Variants in TBC1D32 observed in about 807,000 individuals in gnomAD.
TBC1D32 encodes protein broad-minded.
In TBC1D32, 151 loss-of-function variants were observed where a neutral mutation model predicts 170.3. That is an observed-to-expected ratio of 0.89 (90% CI 0.78 to 1.01). TBC1D32 has a LOEUF of 1.01. Among genes scored for constraint, TBC1D32 ranks in the 50% least tolerant of loss-of-function variants. The pLI, the probability that TBC1D32 is intolerant of heterozygous loss-of-function variation, is 0.00. For synonymous variants in TBC1D32, 498 were observed against 488.0 expected (o/e 1.02, Z -0.27); for missense variants, 1,464 against 1,457.1 (o/e 1.00, Z -0.08).
Position 121,255,219 on chromosome 6 carries a change from T to G in TBC1D32, c.2018+109A>C, listed in dbSNP as rs987701114. On this transcript the variant is annotated intron_variant, in intron 17 of 31. Coordinates refer to ENST00000398212, the MANE Select transcript of TBC1D32 (RefSeq NM_152730.6). ...TTTTCCTTGAAGCTGTATATATACA[T>G]TTACCATCCTGTAAAACATTTTTGC... 3.1e-5 allele frequency: 17 copies of G among 556,100 alleles called. No individual in the cohort carries two copies. In the African/African-American group the frequency reaches 3.4e-4, roughly 11 times the overall value. 34.4% of individuals were successfully genotyped at this position (556,100 alleles called of 1,614,324 possible). A position where few individuals can be genotyped will look rare whatever the true frequency, so the allele number is the denominator to read the frequency against.
chr6:121,082,536 A>G (rs1399312106), intron 31 of TBC1D32, among the ~76,000 whole-genome samples: 4 of 152,004 alleles, frequency 2.6e-5, no homozygotes, highest in East Asian at 1.9e-4. Context: ...TAAAGATCCA[A>G]TGGCAGAAGA....
At chr6:121,239,010 G>T (rs559514007) in intron 20 of TBC1D32, 60 bp downstream of exon 20, 92 of 909,840 alleles carry the variant, frequency 1.0e-4, no homozygotes, top group Non-Finnish European at 1.4e-4. Context: ...AAGTATGAAC[G>T]AATTCATTTC....
intron 22 of TBC1D32, among the ~76,000 whole-genome samples, chr6:121,176,955 C>A (rs990986946): frequency 5.3e-5 from 8 of 152,120 alleles, no homozygotes; most frequent in Non-Finnish European, 1.2e-4. Flanking sequence ...AGACCGAAAG[C>A]CTGCAGTTTT....
chr6:121,080,719 T>C lies in TBC1D32; in HGVS notation c.*52A>G. ...GACACAGAAAAACATCAAGCCCCCC[T>C]GCTGTGTTTAAAAATAAATAAAACC... On this transcript the variant is annotated 3_prime_UTR_variant, in exon 32 of 32. Transcript: ENST00000398212. 1 of 1,572,148 alleles carries C rather than the reference T, an allele frequency of 6.4e-7. No individual in the cohort carries two copies. Among genetic ancestry groups the C allele is most frequent in the Non-Finnish European group, 8.6e-7 (1 of 1,161,096 alleles).
intron 22 of TBC1D32, among the ~76,000 whole-genome samples, chr6:121,192,142 G>T (rs1224351556): frequency 6.6e-6 from 1 of 150,402 alleles, no homozygotes; most frequent in African/African-American, 2.4e-5. Context: ...TACCAGGAAT[G>T]GTTCTAAAGG....
intron 9 of TBC1D32, 106 bp downstream of exon 9, chr6:121,303,511 G>T: frequency 1.1e-6 from 1 of 949,822 alleles, no homozygotes; most frequent in Non-Finnish European, 1.4e-6. Flanking sequence ...GCTAACACAT[G>T]TAAAAGTGAT....
At position 121,317,592 on chromosome 6, in the gene TBC1D32, T is replaced by A; in HGVS notation, c.398A>T (p.Glu133Val). The A allele has an allele frequency of 6.2e-7, 1 of 1,612,932 alleles. No individual in the cohort carries two copies. Among genetic ancestry groups the A allele is most frequent in the South Asian group, 1.1e-5 (1 of 90,988 alleles). Reference sequence around the variant, plus strand: ...TTTCTGCCTTTCTTGATTTCGTGTCTCATCTTCTTCAAACTTGTTAATCAT... The same window carrying A: ...TTTCTGCCTTTCTTGATTTCGTGTCACATCTTCTTCAAACTTGTTAATCAT... ...ESMINKFEED[E>V]TRNQERQKKI... The change falls in exon 3 of 32, where the codon GAG becomes GTG. Residue 133 changes from glutamate (E) to valine (V), a missense_variant. Physicochemically the swap from Glu to Val is moderately radical, Grantham distance 121. This residue lies in a region of TBC1D32 where 1,363 missense variants were observed against 1,338.1 expected (regional missense o/e 1.02). Coordinates refer to ENST00000398212, the MANE Select transcript of TBC1D32 (RefSeq NM_152730.6).
intron 26 of TBC1D32, among the ~76,000 whole-genome samples, chr6:121,125,378 G>A (rs1780713470): frequency 6.6e-6 from 1 of 152,146 alleles, no homozygotes; most frequent in South Asian, 2.1e-4. Context: ...GAGTCCAGAT[G>A]ACTGTAAGCC....
intron 22 of TBC1D32, among the ~76,000 whole-genome samples, chr6:121,170,835 A>C (rs1786877902): frequency 6.6e-6 from 1 of 152,096 alleles, no homozygotes; most frequent in Non-Finnish European, 1.5e-5. Flanking sequence ...AGAGAATTTT[A>C]GCAAATCCAG....
chr6:121,223,579 A>G (rs146365264), intron 20 of TBC1D32, among the ~76,000 whole-genome samples: 10 of 152,318 alleles, frequency 6.6e-5, no homozygotes, highest in Non-Finnish European at 1.3e-4. Context: ...ACATACATAC[A>G]TGAAATTTGG....
chr6:121,141,002 A>C (rs1468531927), intron 24 of TBC1D32, among the ~76,000 whole-genome samples: 1 of 152,196 alleles, frequency 6.6e-6, no homozygotes, highest in African/African-American at 2.4e-5. Flanking sequence ...AATGGAAAAA[A>C]TACAGGAGAA....
chr6:121,191,884 C>T (rs1052643017), intron 22 of TBC1D32, among the ~76,000 whole-genome samples: 2 of 151,748 alleles, frequency 1.3e-5, no homozygotes, highest in African/African-American at 2.4e-5. Flanking sequence ...CGTGAAAAGG[C>T]GAGACTGGCC....
intron 8 of TBC1D32, 87 bp downstream of exon 8, chr6:121,304,278 G>A (rs1198023178): frequency 4.1e-6 from 5 of 1,220,690 alleles, no homozygotes; most frequent in Non-Finnish European, 5.8e-6. Flanking sequence ...AGTCCATTAA[G>A]ACTGTCTTTA....
chr6:121,085,052 C>T (rs554256113), intron 31 of TBC1D32, among the ~76,000 whole-genome samples: 1 of 151,364 alleles, frequency 6.6e-6, no homozygotes. Flanking sequence ...ACAAAAGGTA[C>T]AGAACTTAAC....
At chr6:121,183,470 T>C (rs1788798391) in intron 22 of TBC1D32, among the ~76,000 whole-genome samples, 2 of 152,026 alleles carry the variant, frequency 1.3e-5, no homozygotes, top group Admixed American at 1.3e-4. Context: ...TAGGAAAGCA[T>C]TTGTACACTT....
Position 121,090,837 on chromosome 6 carries a change from A to G in TBC1D32, c.3654+16T>C. ...CTATTAACTCAACATTTTCCTCTCC[A>G]TATAAACATACTTACTTTTAGGAAA... On this transcript the variant is annotated intron_variant, in intron 31 of 31. Coordinates refer to ENST00000398212, the MANE Select transcript of TBC1D32 (RefSeq NM_152730.6). The G allele has an allele frequency of 6.2e-7, 1 of 1,603,272 alleles. No individual in the cohort carries two copies.
intron 22 of TBC1D32, among the ~76,000 whole-genome samples, chr6:121,186,660 C>T (rs752556213): frequency 2.6e-5 from 4 of 151,888 alleles, no homozygotes; most frequent in Non-Finnish European, 5.9e-5. Flanking sequence ...CCTTTTTCTC[C>T]ATCTCTCTCC....
chr6:121,099,476 AC>A (rs1327734982), intron 30 of TBC1D32, among the ~76,000 whole-genome samples: 1 of 151,894 alleles, frequency 6.6e-6, no homozygotes, highest in Non-Finnish European at 1.5e-5. Context: ...GCTTATTTTT[AC>A]TTTAGAGATC....
intron 17 of TBC1D32, among the ~76,000 whole-genome samples, chr6:121,244,540 C>T (rs1797374475): frequency 6.6e-6 from 1 of 152,096 alleles, no homozygotes; most frequent in Non-Finnish European, 1.5e-5. Context: ...GGGAGTATAA[C>T]TGCCTCTGCT....
Sources: gnomAD v4.1 joint callset for allele counts (sites outside exome capture counted in the v4.1 genomes callset) on GRCh38, gnomAD v4.1.1 for gene constraint, gnomAD v4.1.1 regional missense constraint, MANE v1.5 for transcripts, NCBI Gene and HGNC (gene_info 2026-07-23, HGNC 2026-07-21) for gene names.